Variants in PAFAH2 observed in about 807,000 individuals in gnomAD.
PAFAH2 encodes platelet-activating factor acetylhydrolase 2, cytoplasmic.
PAFAH2 carries 42 observed loss-of-function variants against 49.0 expected under a neutral mutation model. The observed-to-expected ratio is 0.86, with a 90% CI of 0.67 to 1.11. PAFAH2 has a LOEUF of 1.11. PAFAH2 is among the 50% of genes least tolerant of loss of function. The probability of loss-of-function intolerance (pLI) is 0.00; values close to 1 mark genes in which losing one functional copy is unlikely to be tolerated. For synonymous variants in PAFAH2, 184 were observed against 181.3 expected, an observed-to-expected ratio of 1.01 and a Z score of -0.12; for missense variants, 503 against 501.8, an observed-to-expected ratio of 1.00 and a Z score of -0.02.
rs759000504 is a variant in PAFAH2, at chr1:25,972,563, T to C, written c.1079A>G (p.His360Arg). ...VRAMLAFLQKHLDLKEDYNQW... is the reference protein window; with the variant it reads ...VRAMLAFLQKRLDLKEDYNQW... Reference sequence around the variant, plus strand: ...AGCCCCAGTTTTCTCCTTACCGAGGTGCTTCTGCAGGAAGGCCAACATGGC... The same window carrying C: ...AGCCCCAGTTTTCTCCTTACCGAGGCGCTTCTGCAGGAAGGCCAACATGGC... The change falls in exon 10 of 11, where the codon CAC (histidine) becomes CGC (arginine). Residue 360 changes from histidine (H) to arginine (R), a missense_variant. Physicochemically the swap from His to Arg is conservative, Grantham distance 29 (BLOSUM62 0). Coordinates refer to ENST00000374282, the MANE Select transcript of PAFAH2 (RefSeq NM_000437.4). 3 of 1,613,312 alleles carry C rather than the reference T, an allele frequency of 1.9e-6. No individual in the cohort carries two copies. Among genetic ancestry groups the C allele is most frequent in the South Asian group, 2.2e-5 (2 of 91,034 alleles).
intron 9 of PAFAH2, 96 bp from the exon 10 acceptor site, chr1:25,972,808 T>G (rs991472894): frequency 6.7e-6 from 8 of 1,202,742 alleles, no homozygotes; most frequent in Middle Eastern, 2.0e-4. Context: ...TTTCATGTAT[T>G]ATCACACTTT....
chr1:25,963,650 T>C (rs547280187), intron 10 of PAFAH2, among the ~76,000 whole-genome samples: 438 of 152,260 alleles, frequency 2.9e-3, no homozygotes, highest in Non-Finnish European at 5.1e-3. Context: ...ACTACAGGCA[T>C]GCACCACCAC....
chr1:25,989,787 T>C (rs568738027), intron 2 of PAFAH2, among the ~76,000 whole-genome samples, 186 bp from the exon 3 acceptor site: 2 of 152,370 alleles, frequency 1.3e-5, no homozygotes, highest in East Asian at 3.9e-4. Flanking sequence ...ATTTTTAGCA[T>C]ATATGTAAAG....
chr1:25,995,724 T>C (rs1475837806), intron 1 of PAFAH2, among the ~76,000 whole-genome samples: 1 of 152,222 alleles, frequency 6.6e-6, no homozygotes, highest in Non-Finnish European at 1.5e-5. Context: ...ATTTATCCAA[T>C]GAATACTATT....
At chr1:25,970,743 A>G (rs568244208) in intron 10 of PAFAH2, among the ~76,000 whole-genome samples, 1 of 151,836 alleles carries the variant, frequency 6.6e-6, no homozygotes, top group Non-Finnish European at 1.5e-5. Flanking sequence ...ATGCCACCAT[A>G]CCTGGCTAAT....
At chr1:25,985,737 A>T (rs1248038383) in intron 4 of PAFAH2, among the ~76,000 whole-genome samples, 1 of 152,260 alleles carries the variant, frequency 6.6e-6, no homozygotes, top group Non-Finnish European at 1.5e-5. Flanking sequence ...AAGCAGCATC[A>T]AAAACCACCT....
intron 8 of PAFAH2, among the ~76,000 whole-genome samples, chr1:25,976,054 G>A (rs1193181096): frequency 6.6e-6 from 1 of 152,148 alleles, no homozygotes; most frequent in African/African-American, 2.4e-5. Flanking sequence ...CCTGCTGGCT[G>A]GAAAGATCTT....
At chr1:25,985,306 A>T (rs1267130835) in intron 4 of PAFAH2, among the ~76,000 whole-genome samples, 4 of 152,230 alleles carry the variant, frequency 2.6e-5, no homozygotes, top group African/African-American at 9.6e-5. Context: ...ACAATGGCAC[A>T]CTGAGAATGG....
chr1:25,961,656 T>G lies in PAFAH2; in HGVS notation c.*333A>C. On this transcript the variant is annotated 3_prime_UTR_variant, in exon 11 of 11. Transcript: ENST00000374282. Reference sequence around the variant, plus strand: ...GCAGCACTGGCCGGGGGTAAGGGAATGAGCTTCGCTGGGCTGAGTCTTCAC... The same window carrying G: ...GCAGCACTGGCCGGGGGTAAGGGAAGGAGCTTCGCTGGGCTGAGTCTTCAC... 1 of 199,664 alleles carries G rather than the reference T, an allele frequency of 5.0e-6. No individual in the cohort carries two copies. The allele number at this position is 199,664 out of a possible 1,614,324, so 12.4% of individuals were successfully genotyped here.
chr1:25,989,380 A>C, intron 3 of PAFAH2, 68 bp downstream of exon 3: 1 of 1,426,550 alleles, frequency 7.0e-7, no homozygotes, highest in Non-Finnish European at 9.4e-7. Flanking sequence ...TACTGCGTCC[A>C]CCTGGGGATC....
chr1:25,983,943 T>A lies in PAFAH2; in HGVS notation c.552+3A>T. ...TCTCCCTCCCCAACTGGCACAAACT[T>A]ACCTGGGGATTCCGAACATGAAATT... On this transcript the variant is annotated splice_donor_region_variant and intron_variant, in intron 6 of 10. Transcript: ENST00000374282. 6.2e-7 allele frequency: 1 copy of A among 1,614,104 alleles called. No homozygotes were observed. The highest frequency in any genetic ancestry group is 8.5e-7 in the Non-Finnish European group (1 of 1,179,990).
chr1:25,972,784 A>G (rs1307266285), intron 9 of PAFAH2, 72 bp from the exon 10 acceptor site: 11 of 1,483,356 alleles, frequency 7.4e-6, no homozygotes, highest in Non-Finnish European at 1.0e-5. Context: ...GGCACCTACT[A>G]TGTGCAAGGT....
At chr1:25,974,814 G>C (rs1242758102) in intron 8 of PAFAH2, among the ~76,000 whole-genome samples, 164 bp from the exon 9 acceptor site, 2 of 152,170 alleles carry the variant, frequency 1.3e-5, no homozygotes, top group Non-Finnish European at 2.9e-5. Context: ...CTTAGGTAGG[G>C]ATCACTTTTA....
At chr1:25,981,045 T>C (rs2049680161) in intron 7 of PAFAH2, among the ~76,000 whole-genome samples, 1 of 152,076 alleles carries the variant, frequency 6.6e-6, no homozygotes, top group Non-Finnish European at 1.5e-5. Flanking sequence ...GAGGATTGCT[T>C]GAGCCTAAGA....
chr1:25,962,717 C>T (rs1393330672), intron 10 of PAFAH2, among the ~76,000 whole-genome samples: 1 of 151,488 alleles, frequency 6.6e-6, no homozygotes, highest in African/African-American at 2.4e-5. Context: ...CCTACCTACT[C>T]AGGAGGCCAA....
chr1:25,962,117 T>A, intron 10 of PAFAH2, 34 bp from the exon 11 acceptor site: 1 of 1,549,854 alleles, frequency 6.5e-7, no homozygotes. Context: ...ATTAGGCAAA[T>A]CATTGTGAGG....
chr1:25,976,206 A>G (rs1372754260), intron 8 of PAFAH2, among the ~76,000 whole-genome samples: 1 of 152,044 alleles, frequency 6.6e-6, no homozygotes, highest in Non-Finnish European at 1.5e-5. Context: ...TGGTGCGGTC[A>G]GAGCTCACTG....
chr1:25,987,953 C>T (rs1423826734), intron 4 of PAFAH2, among the ~76,000 whole-genome samples: 1 of 152,062 alleles, frequency 6.6e-6, no homozygotes, highest in Non-Finnish European at 1.5e-5. Flanking sequence ...CATTTCTGGG[C>T]TATCACATAG....
Position 25,961,244 on chromosome 1 carries a change from C to CA in PAFAH2, c.*744dup, listed in dbSNP as rs2049334668. ...TGTTGTTCTGTCATCTTCCCCATCT[C>CA]AACCTGCTTTTGTTGTTTCCTATCA... On this transcript the variant is annotated 3_prime_UTR_variant, in exon 11 of 11. Coordinates refer to ENST00000374282, the MANE Select transcript of PAFAH2 (RefSeq NM_000437.4). 1 of 152,232 alleles carries CA rather than the reference C, an allele frequency of 6.6e-6. No individual in the cohort carries two copies. Among genetic ancestry groups the CA allele is most frequent in the African/African-American group, 2.4e-5 (1 of 41,464 alleles). 9.4% of individuals were successfully genotyped at this position (152,232 alleles called of 1,614,324 possible).
Sources: gnomAD v4.1 joint callset for allele counts (sites outside exome capture counted in the v4.1 genomes callset) on GRCh38, gnomAD v4.1.1 for gene constraint, MANE v1.5 for transcripts, NCBI Gene and HGNC (gene_info 2026-07-23, HGNC 2026-07-21) for gene names.